The following ASIC2 variants were observed in gnomAD, a reference collection of about 807,000 sequenced individuals.
ASIC2 encodes the protein acid sensing ion channel subunit 2, also known as acid-sensing ion channel 2.
In ASIC2, 25 loss-of-function variants were observed where a neutral mutation model predicts 57.3. That is an observed-to-expected ratio of 0.44 (90% CI 0.32 to 0.61). ASIC2 has a LOEUF of 0.61. Ranked by LOEUF, ASIC2 falls within the 20% of genes least tolerant of loss-of-function variation. ASIC2 has a pLI of 0.06. For synonymous variants in ASIC2, 319 were observed against 307.5 expected (o/e 1.04, Z -0.39); for missense variants, 641 against 738.1 (o/e 0.87, Z 1.52).
intron 1 of ASIC2, among the ~76,000 whole-genome samples, chr17:33,780,985 G>C (rs1479543040): frequency 6.6e-6 from 1 of 152,230 alleles, no homozygotes. Context: ...GCTTGGCACA[G>C]GGCCGGGCTC....
intron 1 of ASIC2, among the ~76,000 whole-genome samples, chr17:34,108,410 G>C (rs959630130): frequency 6.6e-6 from 1 of 151,964 alleles, no homozygotes; most frequent in Admixed American, 6.6e-5. Context: ...TTGAACTATA[G>C]TTTATAAATG....
At chr17:33,515,466 A>T (rs752440517) in intron 1 of ASIC2, among the ~76,000 whole-genome samples, 1 of 152,200 alleles carries the variant, frequency 6.6e-6, no homozygotes, top group Admixed American at 6.5e-5. Context: ...AACCTCTCTC[A>T]GCCCTGTTTT....
At chr17:33,018,959 C>T (rs2091822212) in intron 7 of ASIC2, among the ~76,000 whole-genome samples, 2 of 152,264 alleles carry the variant, frequency 1.3e-5, no homozygotes, top group Admixed American at 6.5e-5. Context: ...GGTCCAGCAC[C>T]CACATGCCCG....
rs916402595 is a variant in ASIC2 at position 33,087,577 on chromosome 17, T to TTTTTTC, written c.987+1285_987+1286insGAAAAA. ...TCACGTATAGATTTACAACCAGTGT[T>TTTTTTC]TTTTTTTTTTTTTTTTTTGAGACAG... On this transcript the variant is annotated intron_variant, in intron 3 of 9. Transcript: ENST00000225823. Among the ~76,000 whole-genome samples the TTTTTTC allele has an allele frequency of 2.9e-5, 4 of 136,358 alleles. 1 individual carries two copies. Among genetic ancestry groups the TTTTTTC allele is most frequent in the African/African-American group, 1.3e-4 (4 of 31,188 alleles). The allele number at this position is 136,358 out of a possible 152,430, so 89.5% of individuals were successfully genotyped here.
chr17:33,897,171 T>C lies in ASIC2; in HGVS notation c.555+258807A>G, dbSNP rs533499388. Among the ~76,000 whole-genome samples the C allele has an allele frequency of 2.0e-4, 31 of 152,282 alleles. 2 individuals carry two copies. In the South Asian group the frequency reaches 6.0e-3, roughly 30 times the overall value. On this transcript the variant is annotated intron_variant, in intron 1 of 9. Transcript: ENST00000359872. ...GTAGGAAGACTTTGAAAAGGAGGGA[T>C]TTTGGAGAAATATGAGCTTCTATTC...
intron 1 of ASIC2, among the ~76,000 whole-genome samples, chr17:33,782,358 C>CTTT (rs772291908): frequency 7.5e-6 from 1 of 133,844 alleles, no homozygotes; most frequent in Non-Finnish European, 1.6e-5. Context: ...ATTGAAGTTC[C>CTTT]TTTTTTTTTT....
intron 1 of ASIC2, among the ~76,000 whole-genome samples, chr17:33,133,494 T>C (rs1287798112): frequency 2.0e-5 from 3 of 152,032 alleles, no homozygotes; most frequent in Non-Finnish European, 4.4e-5. Context: ...ATCCCCAGAG[T>C]TGCCTTACAT....
chr17:34,022,511 T>C (rs961605255), intron 1 of ASIC2, among the ~76,000 whole-genome samples: 9 of 152,050 alleles, frequency 5.9e-5, no homozygotes, highest in African/African-American at 2.2e-4. Context: ...CTATATCTCT[T>C]AATAGCTACC....
At chr17:33,095,523 G>A (rs1288163255) in intron 2 of ASIC2, among the ~76,000 whole-genome samples, 1 of 152,056 alleles carries the variant, frequency 6.6e-6, no homozygotes, top group Non-Finnish European at 1.5e-5. Flanking sequence ...CTGAGACAGA[G>A]GATCCCACCC....
intron 3 of ASIC2, among the ~76,000 whole-genome samples, chr17:33,048,798 G>T (rs2091964755): frequency 6.6e-6 from 1 of 152,156 alleles, no homozygotes; most frequent in Non-Finnish European, 1.5e-5. Flanking sequence ...CTGGTACGGG[G>T]GTCTCCCTGT....
chr17:33,744,926 G>C (rs1184205789), intron 1 of ASIC2, among the ~76,000 whole-genome samples: 3 of 152,136 alleles, frequency 2.0e-5, no homozygotes, highest in Admixed American at 6.5e-5. Context: ...TTATTAGCAA[G>C]GCTCAGCAGT....
intron 1 of ASIC2, among the ~76,000 whole-genome samples, chr17:34,133,344 C>T (rs34699888): frequency 7.2e-5 from 11 of 151,898 alleles, no homozygotes; most frequent in Admixed American, 2.0e-4. Flanking sequence ...TGGCAATGCT[C>T]GGTAAATGGT....
At chr17:33,380,265 AAAAG>A (rs1555603558) in intron 1 of ASIC2, among the ~76,000 whole-genome samples, 8 of 130,206 alleles carry the variant, frequency 6.1e-5, no homozygotes, top group South Asian at 2.4e-4. Flanking sequence ...AAAAAAAAAA[AAAAG>A]AAAGAAAGAA....
At chr17:33,490,329 C>T (rs1454876698) in intron 1 of ASIC2, among the ~76,000 whole-genome samples, 1 of 152,198 alleles carries the variant, frequency 6.6e-6, no homozygotes, top group East Asian at 1.9e-4. Context: ...CTACATGATA[C>T]CCCGTTAGGT....
intron 1 of ASIC2, among the ~76,000 whole-genome samples, chr17:33,615,901 G>A (rs1245937981): frequency 1.3e-5 from 2 of 152,130 alleles, no homozygotes; most frequent in Non-Finnish European, 2.9e-5. Flanking sequence ...AAGGAGGCGG[G>A]GAGTCTCAGA....
upstream of ASIC2, among the ~76,000 whole-genome samples, chr17:33,297,293 C>T (rs1161523906): frequency 1.3e-5 from 2 of 152,182 alleles, no homozygotes; most frequent in Non-Finnish European, 2.9e-5. Context: ...TCCTCCAGCC[C>T]TGTGGAGTAT....
intron 1 of ASIC2, among the ~76,000 whole-genome samples, chr17:34,051,544 T>C (rs138044831): frequency 6.6e-6 from 1 of 152,200 alleles, no homozygotes. Flanking sequence ...ATTGTGCATA[T>C]CCACCCTTCT....
rs145056783 is a variant in ASIC2, at chr17:33,250,535, C to A, written c.708+40873G>T. The stretch of plus-strand genomic sequence containing the variant: ...GCGAGTTCTGCCCCCAGTCCTGCCG[C>A]GCTTATCCCATGCGCCATGTTCTCG... On this transcript the variant is annotated intron_variant, in intron 1 of 9. Coordinates refer to ENST00000225823, the MANE Select transcript of ASIC2 (RefSeq NM_183377.2). Among the ~76,000 whole-genome samples the A allele has an allele frequency of 4.1e-3, 622 of 152,342 alleles. 5 individuals are homozygous for A. The highest frequency in any genetic ancestry group is 0.014 in the African/African-American group (575 of 41,574).
chr17:33,394,826 A>T lies in ASIC2; in HGVS notation c.556-282759T>A, dbSNP rs569036410. Among the ~76,000 whole-genome samples, 7 of 152,240 alleles carry T rather than the reference A, an allele frequency of 4.6e-5. No individual in the cohort carries two copies. The South Asian group carries it at 6.2e-4, about 14-fold the overall frequency. On this transcript the variant is annotated intron_variant, in intron 1 of 9. Coordinates refer to the ASIC2 transcript ENST00000359872. ...TGGTTGGTCATGTCGTTTTTGAATC[A>T]TATATACAAAAAGGGAAAAGACTAA...
Sources: allele counts gnomAD v4.1 joint callset (sites outside exome capture counted in the v4.1 genomes callset), GRCh38; gene constraint gnomAD v4.1.1; transcripts MANE v1.5; gene names NCBI Gene and HGNC (gene_info 2026-07-23, HGNC 2026-07-21).